Variants in LDB2 observed in about 807,000 individuals in gnomAD.
LDB2 encodes LIM domain-binding protein 2.
A neutral mutation model predicts 44.3 loss-of-function variants in LDB2; 12 were observed. That is an observed-to-expected ratio of 0.27 (90% CI 0.17 to 0.44). The LOEUF (loss-of-function observed/expected upper bound fraction) is 0.44. LDB2 is among the 20% of genes least tolerant of loss of function. LDB2 has a pLI of 1.00. For synonymous variants in LDB2, 164 were observed against 174.8 expected (o/e 0.94, Z 0.49); for missense variants, 344 against 473.5 (o/e 0.73, Z 2.54).
intron 2 of LDB2, among the ~76,000 whole-genome samples, chr4:16,755,180 G>A (rs1214004972): frequency 2.0e-5 from 3 of 152,138 alleles, no homozygotes; most frequent in Admixed American, 6.5e-5. Flanking sequence ...TGTGGGGAAC[G>A]GTTCTGCTAC....
intron 5 of LDB2, among the ~76,000 whole-genome samples, chr4:16,537,394 T>A (rs570713644): frequency 5.3e-5 from 8 of 152,326 alleles, no homozygotes; most frequent in African/African-American, 1.2e-4. Flanking sequence ...GAAAGAATAA[T>A]TCAGGAAAAA....
At chr4:16,581,333 G>A in intron 5 of LDB2, 2 of 844,076 alleles carry the variant, frequency 2.4e-6, no homozygotes, top group Non-Finnish European at 1.4e-6. Context: ...CACACAGCTA[G>A]TAAGAAGATG....
At chr4:16,736,181 C>A in intron 2 of LDB2, among the ~76,000 whole-genome samples, 1 of 152,166 alleles carries the variant, frequency 6.6e-6, no homozygotes, top group East Asian at 1.9e-4. Flanking sequence ...TCTCTATCTG[C>A]CTCCTTTGGA....
intron 2 of LDB2, among the ~76,000 whole-genome samples, chr4:16,606,215 AAT>A (rs1226790776): frequency 6.6e-6 from 1 of 152,342 alleles, no homozygotes; most frequent in South Asian, 2.1e-4. Flanking sequence ...TTCAGCTTTA[AAT>A]ATGTTAGTGT....
rs774579767 is a variant in LDB2 at position 16,512,114 on chromosome 4, G to A, written c.616-10C>T. The A allele has an allele frequency of 4.4e-6, 7 of 1,595,124 alleles. No homozygotes were observed. In the African/African-American group the frequency reaches 6.7e-5, roughly 15 times the overall value. ...CCAATATTACACACAACTGCAAGAA[G>A]TTCAAAGACATTGGCATTTCACTAC... On this transcript the variant is annotated splice_polypyrimidine_tract_variant and intron_variant, in intron 5 of 7. Coordinates refer to ENST00000304523, the MANE Select transcript of LDB2 (RefSeq NM_001290.5).
intron 1 of LDB2, among the ~76,000 whole-genome samples, chr4:16,868,983 T>C (rs1467836407): frequency 1.3e-5 from 2 of 152,092 alleles, no homozygotes; most frequent in Non-Finnish European, 2.9e-5. Context: ...ATGATGAAGA[T>C]GATGACATTA....
chr4:16,632,172 C>A (rs932334989), intron 2 of LDB2, among the ~76,000 whole-genome samples: 1 of 152,148 alleles, frequency 6.6e-6, no homozygotes, highest in African/African-American at 2.4e-5. Context: ...AACATCAATG[C>A]AAAAATCCTC....
intron 7 of LDB2, among the ~76,000 whole-genome samples, chr4:16,504,634 G>A (rs898538435): frequency 6.6e-6 from 1 of 152,190 alleles, no homozygotes; most frequent in Non-Finnish European, 1.5e-5. Flanking sequence ...AGTAGATACC[G>A]TCCTTCTGAC....
chr4:16,772,007 C>T (rs961364685), intron 1 of LDB2, among the ~76,000 whole-genome samples: 1 of 152,186 alleles, frequency 6.6e-6, no homozygotes, highest in Non-Finnish European at 1.5e-5. Flanking sequence ...TCACTGCACT[C>T]TCAGCACAGC....
chr4:16,713,104 A>G (rs1340533525), intron 2 of LDB2, among the ~76,000 whole-genome samples: 2 of 152,242 alleles, frequency 1.3e-5, no homozygotes, highest in East Asian at 3.8e-4. Context: ...CAGAAACACA[A>G]TATGATTTCA....
intron 1 of LDB2, among the ~76,000 whole-genome samples, chr4:16,813,761 A>G (rs1465529121): frequency 6.6e-6 from 1 of 152,102 alleles, no homozygotes; most frequent in East Asian, 1.9e-4. Context: ...ACTCAATTTC[A>G]TTAATTATGG....
chr4:16,762,917 C>T (rs1282774880), intron 1 of LDB2, among the ~76,000 whole-genome samples: 1 of 152,116 alleles, frequency 6.6e-6, no homozygotes, highest in Non-Finnish European at 1.5e-5. Context: ...GGCCTACATA[C>T]ATACGTGAGT....
intron 2 of LDB2, among the ~76,000 whole-genome samples, chr4:16,740,067 AT>A (rs1007527283): frequency 3.7e-4 from 57 of 152,210 alleles, no homozygotes; most frequent in African/African-American, 1.3e-3. Flanking sequence ...ATACAATCAC[AT>A]GGTACAATTA....
chr4:16,740,717 T>C (rs557931545), intron 2 of LDB2, among the ~76,000 whole-genome samples: 1 of 152,386 alleles, frequency 6.6e-6, no homozygotes, highest in African/African-American at 2.4e-5. Flanking sequence ...ACATTTTTCT[T>C]CTATACTAAG....
At chr4:16,876,618 T>C (rs1024085373) in intron 1 of LDB2, among the ~76,000 whole-genome samples, 2 of 152,172 alleles carry the variant, frequency 1.3e-5, no homozygotes, top group African/African-American at 4.8e-5. Flanking sequence ...TTGCTGACTT[T>C]AGTACAATGT....
At chr4:16,522,276 T>TTGTGTGCGCGTGTGTG (rs1553878108) in intron 5 of LDB2, among the ~76,000 whole-genome samples, 1 of 150,234 alleles carries the variant, frequency 6.7e-6, no homozygotes, top group Non-Finnish European at 1.5e-5. Flanking sequence ...GTGTGTGTGT[T>TTGTGTGCGCGTGTGTG]TGTGTGTGTG....
intron 2 of LDB2, among the ~76,000 whole-genome samples, chr4:16,687,339 G>T (rs1553962491): frequency 6.6e-6 from 1 of 151,994 alleles, no homozygotes; most frequent in Non-Finnish European, 1.5e-5. Context: ...TTGAGAGCTT[G>T]CTCTCTCTCT....
chr4:16,770,999 G>T (rs2109342576), intron 1 of LDB2, among the ~76,000 whole-genome samples: 1 of 152,286 alleles, frequency 6.6e-6, no homozygotes, highest in East Asian at 1.9e-4. Flanking sequence ...AAAGTTCACT[G>T]TAAAATCAGG....
chr4:16,876,842 T>C (rs1160854806), intron 1 of LDB2, among the ~76,000 whole-genome samples: 2 of 151,934 alleles, frequency 1.3e-5, no homozygotes, highest in African/African-American at 2.4e-5. Context: ...AAATACTCCA[T>C]CCATTGTATA....
Sources: gnomAD v4.1 joint callset for allele counts (sites outside exome capture counted in the v4.1 genomes callset) on GRCh38, gnomAD v4.1.1 for gene constraint, MANE v1.5 for transcripts, NCBI Gene and HGNC (gene_info 2026-07-23, HGNC 2026-07-21) for gene names.